The following TMEM108 variants were observed in gnomAD, a reference collection of about 807,000 sequenced individuals.
The protein encoded by TMEM108 is cancer/testis antigen 124.
Under a neutral mutation model 35.1 loss-of-function variants are expected in TMEM108, and 12 were observed. The ratio of observed to expected loss-of-function variants is 0.34; its 90% CI spans 0.22 to 0.55. The LOEUF (loss-of-function observed/expected upper bound fraction) is 0.55. Ranked by LOEUF, TMEM108 falls within the 20% of genes least tolerant of loss-of-function variation. The pLI, the probability that TMEM108 is intolerant of heterozygous loss-of-function variation, is 0.89. For missense variants in TMEM108, 680 were observed against 753.3 expected (o/e 0.90, Z 1.14); for synonymous variants, 287 against 308.6 (o/e 0.93, Z 0.73).
At chr3:133,300,969 C>T (rs1487648509) in intron 3 of TMEM108, among the ~76,000 whole-genome samples, 1 of 89,268 alleles carries the variant, frequency 1.1e-5, no homozygotes, top group African/African-American at 4.1e-5. Flanking sequence ...TTAATACAGA[C>T]CCCAGTACAC....
intron 2 of TMEM108, among the ~76,000 whole-genome samples, chr3:133,069,431 C>A (rs1576302116): frequency 1.3e-5 from 2 of 152,134 alleles, no homozygotes; most frequent in East Asian, 3.8e-4. Context: ...CCTCAGGACT[C>A]CTTCGTTTCA....
chr3:133,165,892 A>G (rs1390196735), intron 2 of TMEM108, among the ~76,000 whole-genome samples: 1 of 152,232 alleles, frequency 6.6e-6, no homozygotes, highest in Non-Finnish European at 1.5e-5. Context: ...ATTTAAATAT[A>G]TTACAATTAG....
chr3:133,122,112 C>T (rs1944360077), intron 2 of TMEM108, among the ~76,000 whole-genome samples: 1 of 151,862 alleles, frequency 6.6e-6, no homozygotes, highest in Non-Finnish European at 1.5e-5. Flanking sequence ...ATGTACGGTG[C>T]TTCTGGGGCT....
At chr3:133,142,057 T>A (rs1268604238) in intron 2 of TMEM108, among the ~76,000 whole-genome samples, 1 of 152,118 alleles carries the variant, frequency 6.6e-6, no homozygotes, top group East Asian at 1.9e-4. Context: ...TCAGTAGCAC[T>A]CCCCTTCCCC....
chr3:133,395,202 C>G (rs1179803525), intron 5 of TMEM108, among the ~76,000 whole-genome samples: 1 of 152,212 alleles, frequency 6.6e-6, no homozygotes, highest in Non-Finnish European at 1.5e-5. Flanking sequence ...AAATTTTCAT[C>G]TGTCACTTAT....
intron 2 of TMEM108, among the ~76,000 whole-genome samples, chr3:133,170,658 T>TATTA (rs1377044383): frequency 4.6e-5 from 7 of 152,086 alleles, no homozygotes; most frequent in Non-Finnish European, 2.9e-5. Context: ...ATGGTCAAAA[T>TATTA]ATTAAAGTCA....
At chr3:133,048,907 T>G (rs908230960) in intron 2 of TMEM108, among the ~76,000 whole-genome samples, 8 of 152,206 alleles carry the variant, frequency 5.3e-5, no homozygotes, top group Admixed American at 1.3e-4. Flanking sequence ...GTTCTAGTAC[T>G]ACTCAAAGTG....
At chr3:133,143,161 A>G (rs533686267) in intron 2 of TMEM108, among the ~76,000 whole-genome samples, 41 of 152,100 alleles carry the variant, frequency 2.7e-4, no homozygotes, top group African/African-American at 8.5e-4. Context: ...AAAATCCAAA[A>G]CTGTCCTTGA....
chr3:133,394,178 T>G (rs2073273788), intron 5 of TMEM108, among the ~76,000 whole-genome samples: 1 of 152,206 alleles, frequency 6.6e-6, no homozygotes, highest in Non-Finnish European at 1.5e-5. Flanking sequence ...AGAGCAATCA[T>G]AAGGTCCCAG....
At position 133,225,161 on chromosome 3, in the gene TMEM108, C is replaced by T. The variant is rs545314107; in HGVS notation, c.-46-4105C>T. On this transcript the variant is annotated intron_variant, in intron 2 of 5. Transcript: ENST00000321871. Reference sequence around the variant, plus strand: ...TCCTGGGTTCAAGCAATTCTCCTGCCTCAGCCTCCTGAGTAGCTGGGACTA... The same window carrying T: ...TCCTGGGTTCAAGCAATTCTCCTGCTTCAGCCTCCTGAGTAGCTGGGACTA... 5.9e-5 allele frequency among the ~76,000 whole-genome samples: 9 copies of T among 151,892 alleles called. No homozygotes were observed. The South Asian group carries it at 1.7e-3, about 28-fold the overall frequency.
rs1410686428 is a variant in TMEM108, at chr3:133,380,184, C to G, written c.473C>G (p.Pro158Arg). 20 of 1,611,966 alleles carry G rather than the reference C, an allele frequency of 1.2e-5. No individual in the cohort carries two copies. Among genetic ancestry groups the G allele is most frequent in the Admixed American group, 1.7e-5 (1 of 59,824 alleles). ...ACCAGCCGCCCCACCACAGCGCCCC[C>G]CCGCACTACCACACGCAGGCCCCCC... ...GATSRPTTAP[P>R]RTTTRRPPRP... is the part of the protein sequence containing the mutation. The change falls in exon 4 of 6, where the codon CCC (proline) becomes CGC (arginine). Residue 158 changes from proline to arginine, a missense_variant. Pro to Arg is a moderately radical substitution (Grantham distance 103, BLOSUM62 -2). Coordinates refer to ENST00000321871, the MANE Select transcript of TMEM108 (RefSeq NM_023943.4). The surrounding 1 kb of genome is among the most constrained non-coding windows in gnomAD (Gnocchi z 5.3).
At chr3:133,374,107 G>C (rs1033264835) in intron 3 of TMEM108, among the ~76,000 whole-genome samples, 3 of 152,218 alleles carry the variant, frequency 2.0e-5, no homozygotes, top group Non-Finnish European at 2.9e-5. Flanking sequence ...TGTAAAAGCT[G>C]CATGAGCTTT....
intron 2 of TMEM108, among the ~76,000 whole-genome samples, chr3:133,060,813 A>G (rs1943526185): frequency 6.6e-6 from 1 of 152,222 alleles, no homozygotes; most frequent in Non-Finnish European, 1.5e-5. Flanking sequence ...CGATACATGC[A>G]CAGAGATACC....
intron 2 of TMEM108, among the ~76,000 whole-genome samples, chr3:133,073,526 A>ATATATATATATATATATATATT (rs1195384146): frequency 7.7e-5 from 9 of 116,670 alleles, no homozygotes; most frequent in East Asian, 4.9e-4. Flanking sequence ...ATATATATAT[A>ATATATATATATATATATATATT]TATATATATC....
At chr3:133,111,174 A>T (rs1944219957) in intron 2 of TMEM108, among the ~76,000 whole-genome samples, 2 of 152,332 alleles carry the variant, frequency 1.3e-5, no homozygotes, top group East Asian at 3.9e-4. Context: ...TGTAAAAGCC[A>T]GAGATTTAGG....
chr3:133,136,333 A>C lies in TMEM108; in HGVS notation c.-47+90313A>C, dbSNP rs1340355239. Among the ~76,000 whole-genome samples, 7 of 152,346 alleles carry C rather than the reference A, an allele frequency of 4.6e-5. No individual in the cohort carries two copies. The East Asian group carries it at 1.4e-3, about 29-fold the overall frequency. On this transcript the variant is annotated intron_variant, in intron 2 of 5. Coordinates refer to ENST00000321871, the MANE Select transcript of TMEM108 (RefSeq NM_023943.4). Reference sequence around the variant, plus strand: ...GCATCTGTCAAGACAGGAGAGAAGGAAGACAGGGCAAGAGAAGAGGGGAGG... The same window carrying C: ...GCATCTGTCAAGACAGGAGAGAAGGCAGACAGGGCAAGAGAAGAGGGGAGG...
At chr3:133,093,895 T>G (rs1943978794) in intron 2 of TMEM108, among the ~76,000 whole-genome samples, 1 of 152,188 alleles carries the variant, frequency 6.6e-6, no homozygotes, top group African/African-American at 2.4e-5. Flanking sequence ...CTGCAACTTT[T>G]CTGCTTATTC....
chr3:133,203,856 T>C (rs1345742698), intron 2 of TMEM108, among the ~76,000 whole-genome samples: 1 of 152,228 alleles, frequency 6.6e-6, no homozygotes, highest in Non-Finnish European at 1.5e-5. Context: ...TTTGTAATAG[T>C]TTCAGAAGGA....
chr3:133,328,557 A>G (rs774229802), intron 3 of TMEM108, among the ~76,000 whole-genome samples: 4 of 152,112 alleles, frequency 2.6e-5, no homozygotes, highest in Admixed American at 1.3e-4. Context: ...TTCCCTCTCT[A>G]TCACTCTGTG....
Sources: gnomAD v4.1 joint callset for allele counts (sites outside exome capture counted in the v4.1 genomes callset) on GRCh38, gnomAD v4.1.1 for gene constraint, Gnocchi (gnomAD v3.1) non-coding constraint, MANE v1.5 for transcripts, NCBI Gene and HGNC (gene_info 2026-07-23, HGNC 2026-07-21) for gene names.